The following SH3BGR variants were observed in gnomAD, a reference collection of about 807,000 sequenced individuals.
SH3BGR encodes SH3 domain binding glutamate rich protein, also known as SH3 domain-binding glutamic acid-rich protein.
In SH3BGR, 29 loss-of-function variants were observed where a neutral mutation model predicts 24.5. The ratio of observed to expected loss-of-function variants is 1.18; its 90% CI spans 0.88 to 1.61. The LOEUF (loss-of-function observed/expected upper bound fraction) is 1.61. Ranked by LOEUF, SH3BGR falls within the 40% of genes most tolerant of loss-of-function variation. The pLI is 0.00. For missense variants in SH3BGR, 162 were observed against 205.8 expected (o/e 0.79, Z 1.30); for synonymous variants, 55 against 65.7 (o/e 0.84, Z 0.79).
intron 4 of SH3BGR, among the ~76,000 whole-genome samples, chr21:39,507,686 C>T (rs1317821736): frequency 6.6e-6 from 1 of 152,060 alleles, no homozygotes; most frequent in Non-Finnish European, 1.5e-5. Flanking sequence ...TATTTTGTCA[C>T]CCACGCTGGA....
At chr21:39,493,110 T>C (rs1315771855) in intron 3 of SH3BGR, among the ~76,000 whole-genome samples, 1 of 152,242 alleles carries the variant, frequency 6.6e-6, no homozygotes, top group Non-Finnish European at 1.5e-5. Flanking sequence ...GTGCAAAAGC[T>C]CTTTAGTTTA....
chr21:39,491,207 C>T (rs187421919), intron 3 of SH3BGR, among the ~76,000 whole-genome samples: 27 of 150,966 alleles, frequency 1.8e-4, no homozygotes, highest in Non-Finnish European at 2.4e-4. Context: ...TTTTTAGAGA[C>T]GGAGTGATCT....
intron 4 of SH3BGR, among the ~76,000 whole-genome samples, chr21:39,504,219 C>T (rs2078544244): frequency 6.6e-6 from 1 of 152,224 alleles, no homozygotes; most frequent in African/African-American, 2.4e-5. Context: ...TCTCTGGCTT[C>T]CTCCAATAGC....
chr21:39,513,811 T>C (rs1342749469), intron 6 of SH3BGR, among the ~76,000 whole-genome samples: 1 of 152,162 alleles, frequency 6.6e-6, no homozygotes, highest in Non-Finnish European at 1.5e-5. Context: ...AGTAACAGAC[T>C]CATTGGTCCT....
upstream of SH3BGR, among the ~76,000 whole-genome samples, chr21:39,449,471 CAG>C (rs1173728417): frequency 1.3e-5 from 2 of 152,110 alleles, no homozygotes; most frequent in East Asian, 1.9e-4. Flanking sequence ...TTTTGTAAGT[CAG>C]GGGTTCATTG....
chr21:39,451,659 C>G (rs766834649), upstream of SH3BGR, among the ~76,000 whole-genome samples: 5 of 152,158 alleles, frequency 3.3e-5, no homozygotes, highest in Non-Finnish European at 5.9e-5. Flanking sequence ...GCTTTTCCAG[C>G]TCCCAAGAGC....
chr21:39,453,635 G>A (rs1192106614), intron 1 of SH3BGR, among the ~76,000 whole-genome samples: 1 of 152,160 alleles, frequency 6.6e-6, no homozygotes, highest in Non-Finnish European at 1.5e-5. Context: ...GACCTGGAGA[G>A]GCAATGTTCA....
chr21:39,487,100 T>C (rs536587512), intron 3 of SH3BGR, among the ~76,000 whole-genome samples: 1 of 152,210 alleles, frequency 6.6e-6, no homozygotes, highest in South Asian at 2.1e-4. Flanking sequence ...GGCAATTAGA[T>C]TTGCCCTTAA....
chr21:39,453,063 G>A lies in SH3BGR; in HGVS notation c.45+922G>A, dbSNP rs142517061. Among the ~76,000 whole-genome samples, 306 of 152,252 alleles carry A rather than the reference G, an allele frequency of 2.0e-3. 1 individual carries two copies. Among genetic ancestry groups the A allele is most frequent in the African/African-American group, 7.2e-3 (297 of 41,534 alleles). On this transcript the variant is annotated intron_variant, in intron 1 of 6. Transcript: ENST00000333634. ...TAGTTTCTGGAGGATCTCAGGTTTCGGCTGGGATTTCAGCAGCCACTCTGC... is the reference window on the plus strand; with the variant it reads ...TAGTTTCTGGAGGATCTCAGGTTTCAGCTGGGATTTCAGCAGCCACTCTGC...
At chr21:39,513,181 G>A (rs7282142) in intron 6 of SH3BGR, among the ~76,000 whole-genome samples, 18,212 of 152,108 alleles carry the variant, frequency 0.12, 2,029 homozygotes, top group African/African-American at 0.29. Flanking sequence ...TCCATCGTCA[G>A]TAGAAGTTTA....
At chr21:39,463,076 G>A (rs548958148) in intron 2 of SH3BGR, among the ~76,000 whole-genome samples, 1 of 152,216 alleles carries the variant, frequency 6.6e-6, no homozygotes, top group South Asian at 2.1e-4. Context: ...TAGAGACAGG[G>A]TCTCCCTATG....
chr21:39,465,913 A>G (rs1234088255), intron 2 of SH3BGR, among the ~76,000 whole-genome samples: 1 of 152,150 alleles, frequency 6.6e-6, no homozygotes, highest in Non-Finnish European at 1.5e-5. Context: ...AATGTCTGCA[A>G]AATGTTCCAT....
In SH3BGR at chr21:39,459,392, T is replaced by A. The variant is rs2077718017; in HGVS notation, c.46-2983T>A. 2.0e-5 allele frequency among the ~76,000 whole-genome samples: 3 copies of A among 152,112 alleles called. No homozygotes were observed. In the South Asian group the frequency reaches 6.2e-4, roughly 32 times the overall value. On this transcript the variant is annotated intron_variant, in intron 1 of 6. Transcript: ENST00000333634. ...GGTGCGTGCCACCATGCCCAGCTAA[T>A]TTTTGTATTTTTAGTAGAGACAGGG...
intron 2 of SH3BGR, among the ~76,000 whole-genome samples, chr21:39,464,368 G>A (rs889868305): frequency 2.3e-4 from 35 of 152,228 alleles, no homozygotes; most frequent in African/African-American, 7.0e-4. Context: ...GATTACAGGC[G>A]TGTGCCACTA....
chr21:39,480,865 A>G (rs772153568), intron 3 of SH3BGR, among the ~76,000 whole-genome samples: 10 of 152,208 alleles, frequency 6.6e-5, no homozygotes, highest in Non-Finnish European at 1.3e-4. Context: ...AACAACCACT[A>G]CACTGGAGAC....
intron 4 of SH3BGR, among the ~76,000 whole-genome samples, chr21:39,507,668 C>T (rs2123542322): frequency 6.6e-6 from 1 of 151,388 alleles, no homozygotes; most frequent in Admixed American, 6.6e-5. Flanking sequence ...ACTTTATAGA[C>T]AAGGTCTTAT....
At chr21:39,479,394 CAGTGATGGT>C in intron 3 of SH3BGR, among the ~76,000 whole-genome samples, 1 of 120,248 alleles carries the variant, frequency 8.3e-6, no homozygotes, top group East Asian at 2.4e-4. Flanking sequence ...GTGGTGGTGA[CAGTGATGGT>C]GGTGATGGTG....
chr21:39,462,042 T>C (rs925295263), intron 1 of SH3BGR, among the ~76,000 whole-genome samples: 2 of 152,116 alleles, frequency 1.3e-5, no homozygotes, highest in Middle Eastern at 3.4e-3. Context: ...AGAGACAAGG[T>C]TTCACCACGT....
intron 6 of SH3BGR, among the ~76,000 whole-genome samples, chr21:39,513,579 T>C (rs2078734227): frequency 1.3e-5 from 2 of 152,150 alleles, no homozygotes; most frequent in African/African-American, 2.4e-5. Context: ...CGATTTGATG[T>C]CTCTCCAGGG....
Sources: allele counts gnomAD v4.1 joint callset (sites outside exome capture counted in the v4.1 genomes callset), GRCh38; gene constraint gnomAD v4.1.1; transcripts MANE v1.5; gene names NCBI Gene and HGNC (gene_info 2026-07-23, HGNC 2026-07-21).